GSK3B: variants seen among roughly 807,000 people sequenced by gnomAD.
The protein encoded by GSK3B is glycogen synthase kinase-3 beta.
A neutral mutation model predicts 56.4 loss-of-function variants in GSK3B; 15 were observed. The ratio of observed to expected loss-of-function variants is 0.27; its 90% CI spans 0.18 to 0.41. The LOEUF is 0.41. GSK3B is among the 10% of genes least tolerant of loss of function. The pLI is 1.00. For missense variants in GSK3B, 300 were observed against 513.4 expected, an observed-to-expected ratio of 0.58 and a Z score of 4.02; for synonymous variants, 181 against 188.9, an observed-to-expected ratio of 0.96 and a Z score of 0.34.
intron 4 of GSK3B, 26 bp from the exon 5 acceptor site, chr3:119,916,200 A>G: frequency 8.9e-6 from 14 of 1,565,026 alleles, no homozygotes; most frequent in Non-Finnish European, 1.2e-5. Context: ...GAAATTAATT[A>G]AATACTTCCT....
chr3:120,089,536 G>C (rs1185623877), intron 1 of GSK3B, among the ~76,000 whole-genome samples: 1 of 152,148 alleles, frequency 6.6e-6, no homozygotes, highest in Non-Finnish European at 1.5e-5. Flanking sequence ...ACCATACGAC[G>C]TAATACTGCA....
chr3:119,964,957 G>A (rs961212224), intron 2 of GSK3B, among the ~76,000 whole-genome samples: 3 of 150,660 alleles, frequency 2.0e-5, no homozygotes, highest in Admixed American at 1.3e-4. Context: ...AGGGAAGGCC[G>A]ATCTAAAAGC....
intron 4 of GSK3B, among the ~76,000 whole-genome samples, chr3:119,922,079 G>C (rs1334130839): frequency 6.6e-6 from 1 of 152,000 alleles, no homozygotes; most frequent in Non-Finnish European, 1.5e-5. Context: ...GGAGGTTGCA[G>C]TGAGCCGAGA....
chr3:119,873,610 T>A (rs1419121500), intron 8 of GSK3B, among the ~76,000 whole-genome samples: 1 of 152,140 alleles, frequency 6.6e-6, no homozygotes, highest in Non-Finnish European at 1.5e-5. Context: ...ACTATCACAG[T>A]GGTAGGGAAA....
At chr3:119,952,528 T>G (rs1003361988) in intron 2 of GSK3B, among the ~76,000 whole-genome samples, 1 of 130,616 alleles carries the variant, frequency 7.7e-6, no homozygotes, top group South Asian at 2.5e-4. Flanking sequence ...GAAAAAAAAA[T>G]TATCAATGAA....
intron 2 of GSK3B, among the ~76,000 whole-genome samples, chr3:119,950,532 C>T (rs1168339333): frequency 6.6e-6 from 1 of 152,046 alleles, no homozygotes; most frequent in Non-Finnish European, 1.5e-5. Flanking sequence ...GTGACTCTTA[C>T]AAGAATGGTT....
intron 1 of GSK3B, among the ~76,000 whole-genome samples, chr3:120,073,536 A>T (rs2058344857): frequency 6.6e-6 from 1 of 152,198 alleles, no homozygotes; most frequent in African/African-American, 2.4e-5. Flanking sequence ...TAAAATTTTT[A>T]TTTTAAAATA....
In GSK3B at chr3:119,847,110, G is replaced by A. The variant is rs192172786; in HGVS notation, c.1097-3757C>T. Among the ~76,000 whole-genome samples the A allele has an allele frequency of 3.5e-3, 526 of 152,112 alleles. 10 individuals are homozygous for A. The highest frequency in any genetic ancestry group is 3.8e-4 in the Non-Finnish European group (26 of 68,010). On this transcript the variant is annotated intron_variant, in intron 9 of 10. Coordinates refer to ENST00000264235, the MANE Select transcript of GSK3B (RefSeq NM_001146156.2). The stretch of plus-strand genomic sequence containing the variant: ...AATGAGAACATATGGGCACAGGGAG[G>A]GGAACATCACATACCAGGGCCTGTT...
intron 1 of GSK3B, among the ~76,000 whole-genome samples, 165 bp from the exon 2 acceptor site, chr3:120,002,404 T>A (rs1364583219): frequency 6.6e-6 from 1 of 151,988 alleles, no homozygotes; most frequent in African/African-American, 2.4e-5. Flanking sequence ...AGTCACACAA[T>A]CTCGGCTCAC....
At chr3:119,853,952 C>T (rs551623156) in intron 9 of GSK3B, among the ~76,000 whole-genome samples, 31 of 152,150 alleles carry the variant, frequency 2.0e-4, no homozygotes, top group Non-Finnish European at 3.5e-4. Context: ...ACTTCCAACG[C>T]TATGTTGAAT....
chr3:120,090,811 CT>C (rs1453404673), intron 1 of GSK3B, among the ~76,000 whole-genome samples: 2 of 152,202 alleles, frequency 1.3e-5, no homozygotes, highest in Admixed American at 6.5e-5. Context: ...CTCAATCAAA[CT>C]TGTACAGAAC....
At chr3:119,828,128 G>A (rs1233808521) in intron 10 of GSK3B, among the ~76,000 whole-genome samples, 4 of 152,010 alleles carry the variant, frequency 2.6e-5, no homozygotes, top group African/African-American at 9.7e-5. Context: ...ATTAAGAAAA[G>A]GAAAGCATCT....
chr3:119,871,835 T>A (rs2056253814), intron 8 of GSK3B, among the ~76,000 whole-genome samples: 1 of 152,158 alleles, frequency 6.6e-6, no homozygotes, highest in African/African-American at 2.4e-5. Flanking sequence ...AACACTCCAA[T>A]ACGTAGCCAA....
rs1238438886 is a variant in GSK3B at position 120,072,636 on chromosome 3, A to C, written c.88+20711T>G. On this transcript the variant is annotated intron_variant, in intron 1 of 10. Transcript: ENST00000264235. ...CTATAAAAATAACTTCTTAAAAAGA[A>C]AAACATGACAATCAACTATGTATTA... is the stretch of plus-strand genomic sequence containing the variant. Among the ~76,000 whole-genome samples the C allele has an allele frequency of 2.0e-5, 3 of 152,238 alleles. No homozygotes were observed. In the East Asian group the frequency reaches 5.8e-4, roughly 29 times the overall value.
At chr3:119,873,406 G>C (rs1187681032) in intron 8 of GSK3B, among the ~76,000 whole-genome samples, 1 of 151,856 alleles carries the variant, frequency 6.6e-6, no homozygotes, top group African/African-American at 2.4e-5. Context: ...AGGAAACCAG[G>C]GTTCACATGT....
At chr3:120,081,255 G>GAA (rs764944320) in intron 1 of GSK3B, among the ~76,000 whole-genome samples, 8 of 127,644 alleles carry the variant, frequency 6.3e-5, no homozygotes, top group Non-Finnish European at 8.5e-5. Context: ...TCACATTTAA[G>GAA]AAAAAAAAAA....
intron 3 of GSK3B, among the ~76,000 whole-genome samples, chr3:119,944,502 G>A (rs2057081134): frequency 6.6e-6 from 1 of 152,070 alleles, no homozygotes; most frequent in African/African-American, 2.4e-5. Context: ...TCTTTCAAAT[G>A]AAGACTGGTC....
chr3:119,913,629 A>C (rs2056755465), intron 5 of GSK3B, among the ~76,000 whole-genome samples: 1 of 152,026 alleles, frequency 6.6e-6, no homozygotes, highest in South Asian at 2.1e-4. Flanking sequence ...GACAAAATGC[A>C]ACAAAATCAA....
chr3:119,933,031 G>T (rs1576210346), intron 3 of GSK3B, among the ~76,000 whole-genome samples: 1 of 152,172 alleles, frequency 6.6e-6, no homozygotes, highest in Admixed American at 6.5e-5. Context: ...CCCGGAGGTG[G>T]AGGTTGCAGT....
Sources: gnomAD v4.1 joint callset for allele counts (sites outside exome capture counted in the v4.1 genomes callset) on GRCh38, gnomAD v4.1.1 for gene constraint, MANE v1.5 for transcripts, NCBI Gene and HGNC (gene_info 2026-07-23, HGNC 2026-07-21) for gene names.